TSEN2: variants seen among roughly 807,000 people sequenced by gnomAD.
TSEN2 encodes the protein tRNA-splicing endonuclease subunit Sen2.
TSEN2 carries 54 observed loss-of-function variants against 59.2 expected under a neutral mutation model. The ratio of observed to expected loss-of-function variants is 0.91; its 90% CI spans 0.73 to 1.14. TSEN2 has a LOEUF of 1.14. Among genes scored for constraint, TSEN2 ranks in the 50% most tolerant of loss-of-function variants. The pLI is 0.00. For missense variants in TSEN2, 636 were observed against 576.2 expected, an observed-to-expected ratio of 1.10 and a Z score of -1.06; for synonymous variants, 195 against 198.2, an observed-to-expected ratio of 0.98 and a Z score of 0.14.
chr3:12,511,946 C>CT (rs1214575369), intron 6 of TSEN2, among the ~76,000 whole-genome samples: 1 of 152,136 alleles, frequency 6.6e-6, no homozygotes, highest in Non-Finnish European at 1.5e-5. Context: ...ATTTAAAACT[C>CT]TATGTTAAAG....
intron 6 of TSEN2, among the ~76,000 whole-genome samples, chr3:12,515,589 T>C (rs1184166360): frequency 1.3e-5 from 2 of 152,216 alleles, no homozygotes; most frequent in Non-Finnish European, 2.9e-5. Flanking sequence ...CTAAGCGCCC[T>C]GGACAGGCAA....
rs2052381492 is a variant in TSEN2 at position 12,484,503 on chromosome 3, GT to G, written c.-394del. 6.6e-6 allele frequency: 1 copy of G among 152,054 alleles called. No homozygotes were observed. The highest frequency in any genetic ancestry group is 2.4e-5 in the African/African-American group (1 of 41,256). The allele number at this position is 152,054 out of a possible 1,614,324, so 9.4% of individuals were successfully genotyped here. A position where few individuals can be genotyped will look rare whatever the true frequency, so the allele number is the denominator to read the frequency against. ...GCGTTGCCGGGGTAACGGCGAGCGCGTGGGGCCAAGAAAGGTAAGGGCCCTG... is the reference window on the plus strand; with the variant it reads ...GCGTTGCCGGGGTAACGGCGAGCGCGGGGGCCAAGAAAGGTAAGGGCCCTG... On this transcript the variant is annotated 5_prime_UTR_variant, in exon 1 of 12. Transcript: ENST00000284995.
At position 12,532,814 on chromosome 3, in the gene TSEN2, AGTT is replaced by A; in HGVS notation, c.*94_*96del. ...TGTTGTAATCGTCCATTAATTCATA[AGTT>A]TTAAAGGGCATGGTGCTCCCAGCAC... On this transcript the variant is annotated 3_prime_UTR_variant, in exon 12 of 12. Transcript: ENST00000284995. 2 of 1,226,712 alleles carry A rather than the reference AGTT, an allele frequency of 1.6e-6. No homozygotes were observed. The highest frequency in any genetic ancestry group is 2.4e-6 in the Non-Finnish European group (2 of 836,240). The allele number at this position is 1,226,712 out of a possible 1,614,324, so 76.0% of individuals were successfully genotyped here.
At chr3:12,509,588 T>C (rs1352744498) in intron 6 of TSEN2, among the ~76,000 whole-genome samples, 1 of 152,166 alleles carries the variant, frequency 6.6e-6, no homozygotes, top group East Asian at 1.9e-4. Context: ...GTGTGTGCTG[T>C]TGGGAAACTG....
chr3:12,529,158 C>T (rs1255263194), intron 9 of TSEN2, among the ~76,000 whole-genome samples: 1 of 152,032 alleles, frequency 6.6e-6, no homozygotes, highest in Non-Finnish European at 1.5e-5. Flanking sequence ...TAATCTGTGC[C>T]GTAATTGTTC....
chr3:12,519,225 G>A, intron 8 of TSEN2, 28 bp downstream of exon 8: 1 of 1,614,052 alleles, frequency 6.2e-7, no homozygotes, highest in Non-Finnish European at 8.5e-7. Context: ...TGGTGTGTGT[G>A]AGAATAGAGT....
At chr3:12,483,961 T>C (rs928016069), upstream of TSEN2, among the ~76,000 whole-genome samples, 2 of 152,194 alleles carry the variant, frequency 1.3e-5, no homozygotes, top group Admixed American at 6.5e-5. Context: ...CTGCCGCCTA[T>C]TGTCCCTTAA....
At chr3:12,534,023 G>A (rs1358798583), downstream of TSEN2, among the ~76,000 whole-genome samples, 18 of 152,186 alleles carry the variant, frequency 1.2e-4, no homozygotes, top group Admixed American at 1.2e-3. Context: ...ATCACTACCA[G>A]TCATGCACGT....
intron 4 of TSEN2, among the ~76,000 whole-genome samples, chr3:12,499,128 CT>C (rs1369498327): frequency 6.6e-6 from 1 of 152,148 alleles, no homozygotes; most frequent in Non-Finnish European, 1.5e-5. Context: ...TCAAATTGGC[CT>C]TTTTCCAATA....
intron 8 of TSEN2, 76 bp downstream of exon 8, chr3:12,519,273 G>A (rs1321608487): frequency 5.1e-6 from 8 of 1,568,970 alleles, no homozygotes; most frequent in African/African-American, 1.4e-5. Context: ...AATTGATCTT[G>A]TGTGCTGTTG....
At position 12,489,921 on chromosome 3, in the gene TSEN2, C is replaced by G. The variant is rs745620755; in HGVS notation, c.121C>G (p.Arg41Gly). ...TCCTCTGAAAGAATTCAAGATATTC[C>G]GTGCTGAAATGATTAACAACAATGT... ...HGPLKEFKIF[R>G]AEMINNNVIV... The change falls in exon 2 of 12, where the codon CGT becomes GGT. Residue 41 changes from arginine (R) to glycine (G), a missense_variant. Coordinates refer to ENST00000284995, the MANE Select transcript of TSEN2 (RefSeq NM_025265.4). The G allele has an allele frequency of 6.2e-7, 1 of 1,614,112 alleles. No homozygotes were observed. The highest frequency in any genetic ancestry group is 1.7e-5 in the Admixed American group (1 of 60,016).
In TSEN2 at chr3:12,503,451, G is replaced by C; in HGVS notation, c.498G>C (p.Gly166=). 6.2e-6 allele frequency: 10 copies of C among 1,614,242 alleles called. No individual in the cohort carries two copies. The highest frequency in any genetic ancestry group is 8.5e-6 in the Non-Finnish European group (10 of 1,180,044). Residue 166 remains glycine, a synonymous_variant, in exon 5 of 12, where the codon GGG becomes GGC. Transcript: ENST00000284995. ...GMVSNMEGTA[G]GERPSVVNGD... is the part of the protein sequence containing the mutation. ...TTTCCAACATGGAAGGCACAGCAGG[G>C]GGAGAGAGACCTTCTGTGGTAAACG...
At chr3:12,534,217 A>G (rs540525637), downstream of TSEN2, among the ~76,000 whole-genome samples, 70 of 152,298 alleles carry the variant, frequency 4.6e-4, 1 homozygote, top group South Asian at 0.014. Context: ...TGCAGCCTGA[A>G]GCCCCCTTAC....
At chr3:12,529,475 A>AAT (rs1247652474) in intron 9 of TSEN2, among the ~76,000 whole-genome samples, 2 of 152,072 alleles carry the variant, frequency 1.3e-5, no homozygotes, top group Non-Finnish European at 2.9e-5. Flanking sequence ...CAAAAAAAAA[A>AAT]AAAAAAAAAA....
intron 1 of TSEN2, among the ~76,000 whole-genome samples, chr3:12,487,187 TAATG>T (rs2052704129): frequency 6.6e-6 from 1 of 152,190 alleles, no homozygotes; most frequent in Non-Finnish European, 1.5e-5. Context: ...CACACAATAA[TAATG>T]GCGGCTTTGC....
At chr3:12,496,372 C>T (rs935711798) in intron 3 of TSEN2, 146 bp from the exon 4 acceptor site, 1 of 810,330 alleles carries the variant, frequency 1.2e-6, no homozygotes, top group Admixed American at 1.9e-5. Context: ...GCATAGAAAG[C>T]ATATTTTTGC....
chr3:12,512,603 C>G (rs2055592413), intron 6 of TSEN2, among the ~76,000 whole-genome samples: 1 of 152,242 alleles, frequency 6.6e-6, no homozygotes, highest in African/African-American at 2.4e-5. Context: ...CTTTCACACA[C>G]ACAGTGACTA....
At chr3:12,503,230 G>T (rs769486730) in intron 4 of TSEN2, 32 bp from the exon 5 acceptor site, 46 of 1,613,778 alleles carry the variant, frequency 2.9e-5, no homozygotes, top group Middle Eastern at 1.7e-4. Context: ...TGAAATTCGA[G>T]TGCTGTTTCT....
At chr3:12,491,474 C>G (rs2053203882) in intron 2 of TSEN2, among the ~76,000 whole-genome samples, 1 of 151,940 alleles carries the variant, frequency 6.6e-6, no homozygotes, top group Non-Finnish European at 1.5e-5. Flanking sequence ...TTTTTTGGAC[C>G]TAGTGGGCAG....
Sources: gnomAD v4.1 joint callset for allele counts (sites outside exome capture counted in the v4.1 genomes callset) on GRCh38, gnomAD v4.1.1 for gene constraint, MANE v1.5 for transcripts, NCBI Gene and HGNC (gene_info 2026-07-23, HGNC 2026-07-21) for gene names.